Variants in IL1RAPL1 observed in about 807,000 individuals in gnomAD.
IL1RAPL1 encodes interleukin-1 receptor accessory protein-like 1.
IL1RAPL1 carries 3 observed loss-of-function variants against 48.4 expected under a neutral mutation model. The ratio of observed to expected loss-of-function variants is 0.06; its 90% CI spans 0.03 to 0.16. The LOEUF (loss-of-function observed/expected upper bound fraction) is 0.16. Ranked by LOEUF, IL1RAPL1 falls within the 10% of genes least tolerant of loss-of-function variation. The pLI is 1.00. For synonymous variants in IL1RAPL1, 185 were observed against 187.7 expected (o/e 0.99, Z 0.12); for missense variants, 349 against 530.6 (o/e 0.66, Z 3.36).
intron 1 of IL1RAPL1, among the ~76,000 whole-genome samples, chrX:28,678,399 A>G (rs767417206): frequency 3.1e-4 from 34 of 111,321 alleles, no homozygotes; most frequent in African/African-American, 9.1e-4. Context: ...TAAGGCAAGC[A>G]CATAATTACA....
At chrX:29,199,119 A>T (rs1368586509) in intron 2 of IL1RAPL1, among the ~76,000 whole-genome samples, 2 of 112,116 alleles carry the variant, frequency 1.8e-5, no homozygotes, top group Non-Finnish European at 3.8e-5. Flanking sequence ...ATGGTGGTTA[A>T]TTTGACTGTT....
Position 28,653,078 on chromosome X carries a change from T to A in IL1RAPL1, c.-25+65031T>A, listed in dbSNP as rs1286911296. Among the ~76,000 whole-genome samples the A allele has an allele frequency of 1.7e-4, 19 of 112,211 alleles. No homozygotes were observed. The Admixed American group carries it at 1.8e-3, about 11-fold the overall frequency. On this transcript the variant is annotated intron_variant, in intron 1 of 10. Transcript: ENST00000378993. ...GTCACATAAAGTTTTGCACTTGTATTTTAGCTCAACTCAAGGAAGCTTGAT... is the reference window on the plus strand; with the variant it reads ...GTCACATAAAGTTTTGCACTTGTATATTAGCTCAACTCAAGGAAGCTTGAT...
intron 2 of IL1RAPL1, among the ~76,000 whole-genome samples, chrX:29,254,340 G>T (rs1224088435): frequency 1.8e-5 from 2 of 111,139 alleles, no homozygotes; most frequent in Non-Finnish European, 3.8e-5. Context: ...TATACTTATG[G>T]ATATGATACT....
intron 9 of IL1RAPL1, among the ~76,000 whole-genome samples, chrX:29,948,187 G>T (rs1328635081): frequency 9.0e-6 from 1 of 111,286 alleles, no homozygotes; most frequent in African/African-American, 3.3e-5. Context: ...TGGCAATCAA[G>T]ATTTGAGCTA....
At chrX:29,315,285 T>G (rs761366452) in intron 3 of IL1RAPL1, among the ~76,000 whole-genome samples, 2 of 111,955 alleles carry the variant, frequency 1.8e-5, no homozygotes, top group South Asian at 7.5e-4. Flanking sequence ...ATATTCGGTG[T>G]TTATAACAAA....
intron 6 of IL1RAPL1, among the ~76,000 whole-genome samples, chrX:29,713,666 T>G (rs765936887): frequency 9.0e-6 from 1 of 111,479 alleles, no homozygotes; most frequent in South Asian, 3.8e-4. Context: ...TGAACAGCAG[T>G]GTAGACTGCT....
chrX:29,029,254 G>A (rs1321377165), intron 2 of IL1RAPL1, among the ~76,000 whole-genome samples: 1 of 110,910 alleles, frequency 9.0e-6, no homozygotes, highest in Non-Finnish European at 1.9e-5. Flanking sequence ...ATTTGGGTGG[G>A]GACACAGCCA....
intron 2 of IL1RAPL1, among the ~76,000 whole-genome samples, chrX:28,905,658 T>C (rs912260303): frequency 7.1e-5 from 8 of 112,244 alleles, no homozygotes; most frequent in Non-Finnish European, 1.1e-4. Flanking sequence ...TAGTCATATT[T>C]AGAGTATTTA....
chrX:29,769,775 C>T (rs1239546095), intron 6 of IL1RAPL1, among the ~76,000 whole-genome samples: 1 of 106,275 alleles, frequency 9.4e-6, no homozygotes, highest in African/African-American at 3.4e-5. Context: ...GGCCACCATG[C>T]CCAGCTAATT....
intron 5 of IL1RAPL1, among the ~76,000 whole-genome samples, chrX:29,585,682 C>T (rs1923133185): frequency 8.9e-6 from 1 of 111,888 alleles, no homozygotes; most frequent in African/African-American, 3.2e-5. Flanking sequence ...CTTGCCAACA[C>T]TTGTTTTCTT....
At chrX:29,367,384 T>C (rs1440426850) in intron 3 of IL1RAPL1, among the ~76,000 whole-genome samples, 2 of 111,046 alleles carry the variant, frequency 1.8e-5, no homozygotes, top group Non-Finnish European at 3.8e-5. Flanking sequence ...ACATGAATAA[T>C]GCATTTGAAG....
chrX:28,626,724 T>C (rs1444484523), intron 1 of IL1RAPL1, among the ~76,000 whole-genome samples: 2 of 112,613 alleles, frequency 1.8e-5, no homozygotes, highest in South Asian at 3.6e-4. Flanking sequence ...AGTTTCAAAG[T>C]GCAAGAGCTG....
At position 29,760,937 on chromosome X, in the gene IL1RAPL1, G is replaced by A. The variant is rs5972870; in HGVS notation, c.778+92433G>A. Reference sequence around the variant, plus strand: ...AGTTCTAAGCATTGCTTTTAAGAATGAGTATAAGAATAACATTTGTAAGCC... The same window carrying A: ...AGTTCTAAGCATTGCTTTTAAGAATAAGTATAAGAATAACATTTGTAAGCC... On this transcript the variant is annotated intron_variant, in intron 6 of 10. Transcript: ENST00000378993. 4.1e-3 allele frequency among the ~76,000 whole-genome samples: 455 copies of A among 111,743 alleles called. 3 individuals carry two copies. Among genetic ancestry groups the A allele is most frequent in the African/African-American group, 0.014 (430 of 30,805 alleles).
chrX:28,837,883 A>C (rs16988346), intron 2 of IL1RAPL1, among the ~76,000 whole-genome samples: 4,727 of 105,834 alleles, frequency 0.045, 150 homozygotes, highest in African/African-American at 0.12. Flanking sequence ...CCCCTTGCAA[A>C]CTCTGCCATT....
intron 2 of IL1RAPL1, among the ~76,000 whole-genome samples, chrX:28,873,346 G>A (rs1420839057): frequency 3.7e-5 from 4 of 107,168 alleles, no homozygotes; most frequent in African/African-American, 1.4e-4. Context: ...CCTTACCTCA[G>A]GTGATCCGAC....
intron 5 of IL1RAPL1, among the ~76,000 whole-genome samples, chrX:29,665,695 C>T (rs1012582137): frequency 2.7e-5 from 3 of 112,011 alleles, no homozygotes; most frequent in African/African-American, 9.7e-5. Flanking sequence ...AGTGGCTCAG[C>T]CATTGTGGTC....
At chrX:29,751,974 C>CAT (rs759852087) in intron 6 of IL1RAPL1, among the ~76,000 whole-genome samples, 1,613 of 100,861 alleles carry the variant, frequency 0.016, 12 homozygotes, top group Middle Eastern at 0.058. Flanking sequence ...ATCTATATAT[C>CAT]ATATATATGT....
intron 1 of IL1RAPL1, among the ~76,000 whole-genome samples, chrX:28,771,380 A>C (rs1432132309): frequency 8.9e-6 from 1 of 112,709 alleles, no homozygotes; most frequent in Non-Finnish European, 1.9e-5. Flanking sequence ...CGAAGTGAGC[A>C]AAGAGAAGAG....
In IL1RAPL1 at chrX:29,885,321, T is replaced by C. The variant is rs57462024; in HGVS notation, c.779-32143T>C. 4.5e-3 allele frequency among the ~76,000 whole-genome samples: 500 copies of C among 112,093 alleles called. 6 individuals carry two copies. The highest frequency in any genetic ancestry group is 0.016 in the African/African-American group (480 of 30,836). On this transcript the variant is annotated intron_variant, in intron 6 of 10. Coordinates refer to ENST00000378993, the MANE Select transcript of IL1RAPL1 (RefSeq NM_014271.4). ...TTTCTGAGGTCTACCTTTTCTCCTT[T>C]CCCCATATATCTTATCACCTTTGAA...
Sources: gnomAD v4.1 joint callset for allele counts (sites outside exome capture counted in the v4.1 genomes callset) on GRCh38, gnomAD v4.1.1 for gene constraint, MANE v1.5 for transcripts, NCBI Gene and HGNC (gene_info 2026-07-23, HGNC 2026-07-21) for gene names.